The following THSD7B variants were observed in gnomAD, a reference collection of about 807,000 sequenced individuals.
The protein encoded by THSD7B is thrombospondin type-1 domain-containing protein 7B.
A neutral mutation model predicts 213.6 loss-of-function variants in THSD7B; 138 were observed. The ratio of observed to expected loss-of-function variants is 0.65; its 90% CI spans 0.56 to 0.74. The LOEUF (loss-of-function observed/expected upper bound fraction) is 0.74, where lower values mean the gene tolerates loss of function less well. Among genes scored for constraint, THSD7B ranks in the 30% least tolerant of loss-of-function variants. The pLI is 0.00. For synonymous variants in THSD7B, 742 were observed against 687.0 expected (o/e 1.08, Z -1.25); for missense variants, 1,931 against 1,991.5 (o/e 0.97, Z 0.58).
chr2:137,393,406 C>T lies in THSD7B; in HGVS notation c.2501-12207C>T, dbSNP rs1443886687. Among the ~76,000 whole-genome samples, 8 of 149,848 alleles carry T rather than the reference C, an allele frequency of 5.3e-5. No homozygotes were observed. In the South Asian group the frequency reaches 1.1e-3, roughly 20 times the overall value. ...ATTCCCACCTATGAGTGAGAATGTGCGGTGTTTGGTTTTTTGTTCTTACGA... is the reference window on the plus strand; with the variant it reads ...ATTCCCACCTATGAGTGAGAATGTGTGGTGTTTGGTTTTTTGTTCTTACGA... On this transcript the variant is annotated intron_variant, in intron 12 of 27. Coordinates refer to ENST00000409968, the MANE Select transcript of THSD7B (RefSeq NM_001316349.2).
intron 15 of THSD7B, among the ~76,000 whole-genome samples, chr2:137,455,477 C>T (rs1483108907): frequency 6.6e-6 from 1 of 152,162 alleles, no homozygotes; most frequent in African/African-American, 2.4e-5. Flanking sequence ...ACACATGCTC[C>T]TCATAAGTTG....
chr2:137,164,543 G>T (rs1052603496), intron 6 of THSD7B, among the ~76,000 whole-genome samples: 10 of 152,128 alleles, frequency 6.6e-5, no homozygotes, highest in Non-Finnish European at 1.3e-4. Flanking sequence ...TATACCCAAA[G>T]GATTATAAAT....
At chr2:137,193,474 C>CATT (rs1163393860) in intron 7 of THSD7B, among the ~76,000 whole-genome samples, 1 of 152,032 alleles carries the variant, frequency 6.6e-6, no homozygotes, top group African/African-American at 2.4e-5. Flanking sequence ...TTGAAATGGA[C>CATT]ATTATTATTA....
intron 14 of THSD7B, among the ~76,000 whole-genome samples, chr2:137,448,413 G>A (rs556906816): frequency 1.5e-3 from 227 of 151,978 alleles, no homozygotes; most frequent in Non-Finnish European, 2.8e-3. Flanking sequence ...GGAGAAGATG[G>A]AGTAGTCTGT....
intron 2 of THSD7B, among the ~76,000 whole-genome samples, chr2:136,961,224 C>CTTT (rs201759566): frequency 2.0e-4 from 26 of 126,952 alleles, no homozygotes; most frequent in East Asian, 1.4e-3. Context: ...TTTTTCTTTT[C>CTTT]TTTTTTTTTT....
chr2:137,462,200 C>A (rs1687898778), intron 15 of THSD7B, among the ~76,000 whole-genome samples: 1 of 151,992 alleles, frequency 6.6e-6, no homozygotes. Context: ...TCCAGTGTCT[C>A]CATGCTGTAT....
chr2:137,616,113 A>G lies in THSD7B; in HGVS notation c.3424-62A>G, dbSNP rs1219239562. ...CATATGTGCCTACTTATACCTGTATATCTTATATAATTTATCAAATAACTT... is the reference window on the plus strand; with the variant it reads ...CATATGTGCCTACTTATACCTGTATGTCTTATATAATTTATCAAATAACTT... On this transcript the variant is annotated intron_variant, in intron 17 of 27. Transcript: ENST00000409968. 10 of 1,567,568 alleles carry G rather than the reference A, an allele frequency of 6.4e-6. No homozygotes were observed. The African/African-American group carries it at 1.2e-4, about 19-fold the overall frequency.
At chr2:137,119,515 A>C (rs536809537) in intron 5 of THSD7B, among the ~76,000 whole-genome samples, 32 of 152,300 alleles carry the variant, frequency 2.1e-4, no homozygotes, top group African/African-American at 7.5e-4. Context: ...AGAGTCCATA[A>C]GCATGTTCTA....
At chr2:136,965,189 A>G (rs531982618) in intron 2 of THSD7B, among the ~76,000 whole-genome samples, 1 of 152,308 alleles carries the variant, frequency 6.6e-6, no homozygotes, top group South Asian at 2.1e-4. Context: ...CCTCTCATGT[A>G]GCACAGTTAA....
At chr2:136,837,939 A>T (rs1217360348) in intron 1 of THSD7B, among the ~76,000 whole-genome samples, 1 of 152,128 alleles carries the variant, frequency 6.6e-6, no homozygotes, top group East Asian at 1.9e-4. Flanking sequence ...AAAGAGACAG[A>T]CCTGAGTTAC....
At chr2:137,553,025 GAGA>G (rs1241521748) in intron 15 of THSD7B, among the ~76,000 whole-genome samples, 2 of 152,124 alleles carry the variant, frequency 1.3e-5, no homozygotes, top group Non-Finnish European at 1.5e-5. Context: ...ACAACATTTG[GAGA>G]AGAAGCAATC....
At chr2:137,475,743 A>G (rs1688178568) in intron 15 of THSD7B, among the ~76,000 whole-genome samples, 1 of 152,156 alleles carries the variant, frequency 6.6e-6, no homozygotes, top group South Asian at 2.1e-4. Context: ...GGTTGATTCC[A>G]TATCTTTGCT....
intron 2 of THSD7B, among the ~76,000 whole-genome samples, chr2:136,883,931 A>AT (rs1167602144): frequency 6.6e-6 from 1 of 152,100 alleles, no homozygotes; most frequent in African/African-American, 2.4e-5. Context: ...TAACAATATA[A>AT]TTTTTTCCTA....
chr2:137,190,771 G>T (rs529496347), intron 7 of THSD7B, among the ~76,000 whole-genome samples: 3 of 152,154 alleles, frequency 2.0e-5, no homozygotes, highest in African/African-American at 7.2e-5. Flanking sequence ...TTTCCTAGGA[G>T]CATAGTATTT....
At position 137,528,097 on chromosome 2, in the gene THSD7B, A is replaced by G. The variant is rs116000071; in HGVS notation, c.3139-35124A>G. Among the ~76,000 whole-genome samples the G allele has an allele frequency of 3.6e-3, 553 of 152,254 alleles. 4 individuals carry two copies. Among genetic ancestry groups the G allele is most frequent in the African/African-American group, 0.013 (524 of 41,556 alleles). On this transcript the variant is annotated intron_variant, in intron 15 of 27. Coordinates refer to ENST00000409968, the MANE Select transcript of THSD7B (RefSeq NM_001316349.2). ...TGGATTCTTGTATTTCTTAACTTCA[A>G]TTACATCAAATTGATGTTCAATTTT...
At chr2:137,375,288 CTG>C (rs761362673) in intron 12 of THSD7B, among the ~76,000 whole-genome samples, 2 of 152,114 alleles carry the variant, frequency 1.3e-5, no homozygotes, top group African/African-American at 4.8e-5. Flanking sequence ...AAAAAAAACA[CTG>C]TACACAAAAA....
At chr2:137,078,377 T>G (rs893092848) in intron 3 of THSD7B, among the ~76,000 whole-genome samples, 1 of 152,196 alleles carries the variant, frequency 6.6e-6, no homozygotes, top group African/African-American at 2.4e-5. Context: ...AGTTTTTGCT[T>G]GACATGTGTT....
intron 1 of THSD7B, among the ~76,000 whole-genome samples, chr2:136,784,406 A>G (rs1328336968): frequency 6.7e-6 from 1 of 149,720 alleles, no homozygotes; most frequent in Non-Finnish European, 1.5e-5. Context: ...CTAGGCACAG[A>G]TTTTTTTTTT....
chr2:137,335,572 A>G (rs929131670), intron 12 of THSD7B, among the ~76,000 whole-genome samples: 2 of 152,198 alleles, frequency 1.3e-5, no homozygotes, highest in Non-Finnish European at 2.9e-5. Flanking sequence ...AATCAGCAAC[A>G]GTTGGTGATA....
Sources: gnomAD v4.1 joint callset for allele counts (sites outside exome capture counted in the v4.1 genomes callset) on GRCh38, gnomAD v4.1.1 for gene constraint, MANE v1.5 for transcripts, NCBI Gene and HGNC (gene_info 2026-07-23, HGNC 2026-07-21) for gene names.